PLA2G4E: variants seen among roughly 807,000 people sequenced by gnomAD.
PLA2G4E encodes the protein phospholipase A2 group IVE, also known as cytosolic phospholipase A2 epsilon.
Under a neutral mutation model 109.1 loss-of-function variants are expected in PLA2G4E, and 84 were observed. That is an observed-to-expected ratio of 0.77 (90% confidence interval 0.65 to 0.92). The LOEUF (loss-of-function observed/expected upper bound fraction) is 0.92, where lower values mean the gene tolerates loss of function less well. PLA2G4E is among the 40% of genes least tolerant of loss of function. The probability of loss-of-function intolerance (pLI) is 0.00; values close to 1 mark genes in which losing one functional copy is unlikely to be tolerated. For missense variants in PLA2G4E, 1,057 were observed against 1,076.6 expected (o/e 0.98, Z 0.25); for synonymous variants, 469 against 436.1 (o/e 1.08, Z -0.94).
At chr15:42,050,678 C>T (rs528674692) in exon 1 of PLA2G4E, 2 of 1,550,470 alleles carry the variant, frequency 1.3e-6, no homozygotes, top group South Asian at 2.4e-5. Flanking sequence ...CAGGCCAGGA[C>T]AGCCTTCCGA....
intron 3 of PLA2G4E, among the ~76,000 whole-genome samples, chr15:42,006,803 T>C (rs1405882911): frequency 1.3e-5 from 2 of 152,100 alleles, no homozygotes; most frequent in African/African-American, 4.8e-5. Context: ...ATACATCTAG[T>C]GGACATAAGG....
intron 5 of PLA2G4E, among the ~76,000 whole-genome samples, chr15:42,004,617 G>A (rs745489086): frequency 2.6e-5 from 4 of 152,148 alleles, no homozygotes; most frequent in African/African-American, 4.8e-5. Flanking sequence ...GGCCCCCATC[G>A]CCATGGTGGC....
intron 5 of PLA2G4E, 144 bp from the exon 6 acceptor site, chr15:42,002,840 T>C (rs1213878873): frequency 3.8e-6 from 3 of 795,978 alleles, no homozygotes; most frequent in Non-Finnish European, 2.1e-6. Flanking sequence ...TCGGAAACCT[T>C]AGCCTTATAG....
At chr15:42,018,512 A>C (rs1566846071) in intron 1 of PLA2G4E, among the ~76,000 whole-genome samples, 1 of 152,070 alleles carries the variant, frequency 6.6e-6, no homozygotes, top group Non-Finnish European at 1.5e-5. Context: ...TCATGAGGGC[A>C]TTGGGAGGGC....
intron 7 of PLA2G4E, 150 bp downstream of exon 7, chr15:42,001,007 T>C (rs964950507): frequency 1.3e-6 from 1 of 751,482 alleles, no homozygotes; most frequent in Non-Finnish European, 2.2e-6. Flanking sequence ...TCAGGACCCC[T>C]GGGGGTGAGA....
At chr15:42,040,219 TAC>T (rs776803691) in intron 1 of PLA2G4E, among the ~76,000 whole-genome samples, 1 of 150,782 alleles carries the variant, frequency 6.6e-6, no homozygotes, top group Non-Finnish European at 1.5e-5. Flanking sequence ...CACACACACC[TAC>T]ACACACACTA....
intron 1 of PLA2G4E, among the ~76,000 whole-genome samples, chr15:42,033,445 A>G (rs996196604): frequency 1.3e-5 from 2 of 152,168 alleles, no homozygotes; most frequent in African/African-American, 4.8e-5. Context: ...GCTGGCCCTT[A>G]TGACACTGGG....
intron 1 of PLA2G4E, among the ~76,000 whole-genome samples, chr15:42,049,661 C>T (rs1434289237): frequency 6.6e-6 from 1 of 152,160 alleles, no homozygotes; most frequent in Non-Finnish European, 1.5e-5. Flanking sequence ...GAGGCAGAGA[C>T]CAGAGGGGTC....
intron 5 of PLA2G4E, among the ~76,000 whole-genome samples, chr15:42,004,548 G>T (rs1359125496): frequency 6.6e-6 from 1 of 152,188 alleles, no homozygotes; most frequent in Non-Finnish European, 1.5e-5. Context: ...TGTTCTAACA[G>T]TTCTGGTCAA....
At chr15:42,010,834 C>G (rs533430337) in intron 2 of PLA2G4E, among the ~76,000 whole-genome samples, 1 of 146,638 alleles carries the variant, frequency 6.8e-6, no homozygotes, top group South Asian at 2.2e-4. Flanking sequence ...TTTCAGTTAT[C>G]GAGGAGTCAG....
rs1360243869 is a variant in PLA2G4E, at chr15:41,985,883, C to T, written c.2158G>A (p.Asp720Asn). ...CAGTAGTTGAGGTGGATGATGAGGT[C>T]GGCTTTTCGCTCTGGCCTGAGGAGG... is the stretch of plus-strand genomic sequence containing the variant. The change falls in exon 18 of 20, where the codon GAC becomes AAC. Residue 720 changes from aspartate to asparagine, a missense_variant. Asp to Asn is a conservative substitution (Grantham distance 23). Coordinates refer to ENST00000399518, the Ensembl canonical transcript of PLA2G4E. The T allele has an allele frequency of 6.8e-6, 11 of 1,610,582 alleles. No individual in the cohort carries two copies. Among genetic ancestry groups the T allele is most frequent in the African/African-American group, 1.3e-5 (1 of 74,876 alleles).
At chr15:42,000,509 C>T (rs1051561512) in intron 7 of PLA2G4E, among the ~76,000 whole-genome samples, 26 of 152,136 alleles carry the variant, frequency 1.7e-4, no homozygotes, top group Admixed American at 3.9e-4. Flanking sequence ...CCCAGAAAAC[C>T]CTTTGAGATG....
intron 2 of PLA2G4E, 146 bp from the exon 3 acceptor site, chr15:42,008,011 C>G (rs1414538117): frequency 3.2e-6 from 3 of 935,010 alleles, no homozygotes; most frequent in Non-Finnish European, 4.7e-6. Flanking sequence ...TTTCCAGAGA[C>G]TCAGATCCCC....
At chr15:41,997,956 C>A (rs1052532166) in intron 10 of PLA2G4E, 2 of 152,060 alleles carry the variant, frequency 1.3e-5, no homozygotes, top group African/African-American at 4.8e-5. Context: ...GCCTGGCATC[C>A]AAGACCCTGC....
Position 41,990,428 on chromosome 15 carries a change from G to A in PLA2G4E, c.1471-193C>T, listed in dbSNP as rs573857766. On this transcript the variant is annotated intron_variant, in intron 13 of 19. Coordinates refer to ENST00000399518, the Ensembl canonical transcript of PLA2G4E. Reference sequence around the variant, plus strand: ...CCAATGGCATAGGCACCACCCCCTCGGGCTGCCCACCACCAGACAGGGGCC... The same window carrying A: ...CCAATGGCATAGGCACCACCCCCTCAGGCTGCCCACCACCAGACAGGGGCC... Among the ~76,000 whole-genome samples, 18 of 152,130 alleles carry A rather than the reference G, an allele frequency of 1.2e-4. No individual in the cohort carries two copies. In the South Asian group the frequency reaches 3.3e-3, roughly 28 times the overall value.
intron 11 of PLA2G4E, among the ~76,000 whole-genome samples, chr15:41,995,956 T>C (rs1275641178): frequency 1.3e-5 from 2 of 152,158 alleles, no homozygotes; most frequent in African/African-American, 2.4e-5. Context: ...GCAGGTACTG[T>C]ACTGGCAAGG....
chr15:42,016,654 G>A (rs141331428), intron 1 of PLA2G4E, among the ~76,000 whole-genome samples: 81 of 152,248 alleles, frequency 5.3e-4, no homozygotes, highest in African/African-American at 1.8e-3. Context: ...GCTTAATTCT[G>A]ATCAGCAACA....
intron 3 of PLA2G4E, among the ~76,000 whole-genome samples, chr15:42,006,851 C>G (rs1305806718): frequency 2.0e-5 from 3 of 152,044 alleles, no homozygotes; most frequent in Admixed American, 6.6e-5. Context: ...GATTGTTGAC[C>G]TTGTAATTAC....
chr15:41,990,082 C>G (rs749276817), intron 14 of PLA2G4E, 39 bp downstream of exon 14: 1 of 1,565,762 alleles, frequency 6.4e-7, no homozygotes, highest in South Asian at 1.1e-5. Flanking sequence ...GAAGTCCCCC[C>G]CTCCACCCCA....
Sources: allele counts gnomAD v4.1 joint callset (sites outside exome capture counted in the v4.1 genomes callset), GRCh38; gene constraint gnomAD v4.1.1; transcripts MANE v1.5; gene names NCBI Gene and HGNC (gene_info 2026-07-23, HGNC 2026-07-21).